ADGRG7: variants seen among roughly 807,000 people sequenced by gnomAD.
The protein encoded by ADGRG7 is G-protein coupled receptor 128.
Under a neutral mutation model 88.6 loss-of-function variants are expected in ADGRG7, and 82 were observed. The observed-to-expected ratio is 0.93, with a 90% confidence interval of 0.77 to 1.11. The LOEUF (loss-of-function observed/expected upper bound fraction) is 1.11. Ranked by LOEUF, ADGRG7 falls within the 50% of genes most tolerant of loss-of-function variation. The probability of loss-of-function intolerance (pLI) is 0.00; values close to 1 mark genes in which losing one functional copy is unlikely to be tolerated. For synonymous variants in ADGRG7, 381 were observed against 345.2 expected (o/e 1.10, Z -1.15); for missense variants, 945 against 953.4 (o/e 0.99, Z 0.12).
intron 4 of ADGRG7, among the ~76,000 whole-genome samples, chr3:100,634,910 T>C (rs952464286): frequency 1.3e-5 from 2 of 152,180 alleles, no homozygotes; most frequent in Admixed American, 6.5e-5. Context: ...GTCTACTGAT[T>C]GGGTATTGTT....
At position 100,662,359 on chromosome 3, in the gene ADGRG7, G is replaced by A. The variant is rs369789511; in HGVS notation, c.1979+2516G>A. ...TGACAGTAAAAAAATTTAGCAACAC[G>A]CTCTTAACAGTATGTTTAACTGCAT... On this transcript the variant is annotated intron_variant, in intron 14 of 15. Transcript: ENST00000273352. Among the ~76,000 whole-genome samples, 12 of 152,224 alleles carry A rather than the reference G, an allele frequency of 7.9e-5. No individual in the cohort carries two copies. In the East Asian group the frequency reaches 1.5e-3, roughly 20 times the overall value.
intron 1 of ADGRG7, among the ~76,000 whole-genome samples, chr3:100,611,900 C>T (rs1247391842): frequency 6.6e-6 from 1 of 152,202 alleles, no homozygotes; most frequent in Admixed American, 6.5e-5. Flanking sequence ...CCTATCCCAT[C>T]CCATCCTATG....
intron 15 of ADGRG7, among the ~76,000 whole-genome samples, chr3:100,680,405 A>T (rs1319483727): frequency 2.0e-5 from 3 of 152,164 alleles, no homozygotes; most frequent in Non-Finnish European, 4.4e-5. Context: ...GTTTTTATCC[A>T]TTCTGGCAAT....
chr3:100,640,495 C>T (rs550137114), intron 6 of ADGRG7, among the ~76,000 whole-genome samples: 3 of 152,198 alleles, frequency 2.0e-5, no homozygotes, highest in East Asian at 3.9e-4. Flanking sequence ...ATAGTACAAT[C>T]AATGAGTTTA....
chr3:100,651,812 A>G (rs2094929645), intron 11 of ADGRG7, among the ~76,000 whole-genome samples: 2 of 152,206 alleles, frequency 1.3e-5, no homozygotes, highest in African/African-American at 4.8e-5. Flanking sequence ...TGCACAGAAT[A>G]CAAACAGTCC....
intron 3 of ADGRG7, among the ~76,000 whole-genome samples, chr3:100,631,738 CTAAA>C (rs1376124101): frequency 6.6e-6 from 1 of 152,120 alleles, no homozygotes; most frequent in Non-Finnish European, 1.5e-5. Flanking sequence ...CTCTGAAGCA[CTAAA>C]TAAATTAAAT....
intron 14 of ADGRG7, chr3:100,665,320 GT>G (rs2094950390): frequency 1.8e-6 from 1 of 540,650 alleles, no homozygotes; most frequent in African/African-American, 1.9e-5. Flanking sequence ...AGTTCATCTG[GT>G]GAAATACCCT....
At position 100,646,112 on chromosome 3, in the gene ADGRG7, A is replaced by G; in HGVS notation, c.1110+4A>G. On this transcript the variant is annotated splice_donor_region_variant and intron_variant, in intron 9 of 15. Coordinates refer to ENST00000273352, the MANE Select transcript of ADGRG7 (RefSeq NM_032787.3). ...TGACATGGTCTTTAGTCCAAAGGTG[A>G]GTTTTTCATTGCAGATGCAAGAAAA... 1 of 1,553,680 alleles carries G rather than the reference A, an allele frequency of 6.4e-7. No homozygotes were observed. Among genetic ancestry groups the G allele is most frequent in the Non-Finnish European group, 8.7e-7 (1 of 1,145,466 alleles).
chr3:100,684,373 C>T (rs946195438), intron 15 of ADGRG7, among the ~76,000 whole-genome samples: 1 of 151,858 alleles, frequency 6.6e-6, no homozygotes, highest in African/African-American at 2.4e-5. Flanking sequence ...AATTGATCCC[C>T]CCACCTCAAC....
At chr3:100,629,787 T>C in intron 2 of ADGRG7, 76 bp downstream of exon 2, 2 of 947,802 alleles carry the variant, frequency 2.1e-6, no homozygotes, top group Non-Finnish European at 3.4e-6. Flanking sequence ...ATAAAGCTTC[T>C]AGAAGCTTCA....
chr3:100,658,168 T>A (rs895563588), intron 13 of ADGRG7, among the ~76,000 whole-genome samples: 2 of 152,170 alleles, frequency 1.3e-5, no homozygotes, highest in Admixed American at 6.5e-5. Context: ...TTTGGAGTCA[T>A]TCTTAATCCC....
At chr3:100,661,019 C>T (rs541514570) in intron 14 of ADGRG7, among the ~76,000 whole-genome samples, 2 of 151,950 alleles carry the variant, frequency 1.3e-5, no homozygotes, top group African/African-American at 4.8e-5. Flanking sequence ...TCTAAGCTGA[C>T]ATTCCCTGCG....
intron 15 of ADGRG7, among the ~76,000 whole-genome samples, chr3:100,677,108 C>T (rs891970636): frequency 7.2e-5 from 11 of 151,920 alleles, no homozygotes; most frequent in East Asian, 1.9e-4. Flanking sequence ...ATTATTGATA[C>T]GTAATGACTT....
chr3:100,658,026 GTAATA>G (rs1184122521), intron 13 of ADGRG7, among the ~76,000 whole-genome samples: 4 of 152,116 alleles, frequency 2.6e-5, no homozygotes, highest in African/African-American at 9.7e-5. Context: ...TCACATCATT[GTAATA>G]CCTAATGGCC....
intron 1 of ADGRG7, among the ~76,000 whole-genome samples, chr3:100,620,031 A>G (rs1338796121): frequency 2.6e-5 from 4 of 152,204 alleles, no homozygotes; most frequent in Non-Finnish European, 5.9e-5. Flanking sequence ...CAATAGAAAA[A>G]GAGGGAATCC....
intron 14 of ADGRG7, chr3:100,665,558 A>G (rs2094950707): frequency 1.0e-5 from 4 of 385,866 alleles, no homozygotes; most frequent in South Asian, 8.1e-5. Context: ...TGTACTTTAC[A>G]GATCAAGGTT....
At chr3:100,686,227 T>G (rs1215657904) in intron 15 of ADGRG7, among the ~76,000 whole-genome samples, 1 of 152,060 alleles carries the variant, frequency 6.6e-6, no homozygotes, top group African/African-American at 2.4e-5. Context: ...GGGTTGTTTG[T>G]TTTTTTCTTG....
chr3:100,609,916 G>T lies in ADGRG7; in HGVS notation c.60G>T (p.Leu20=). The T allele has an allele frequency of 6.2e-7, 1 of 1,613,954 alleles. No homozygotes were observed. Among genetic ancestry groups the T allele is most frequent in the South Asian group, 1.1e-5 (1 of 91,032 alleles). Residue 20 remains leucine, a synonymous_variant, in exon 1 of 16, where the codon CTG becomes CTT. Coordinates refer to ENST00000273352, the MANE Select transcript of ADGRG7 (RefSeq NM_032787.3). The part of the protein sequence containing the change: ...RVLVAVVCGL[L]TGIILGLGIW... ...TGGTGGCTGTCGTGTGTGGACTACT[G>T]ACTGGCATCATTTTGGGACTGGGCA...
chr3:100,658,902 G>C (rs1277368772), intron 13 of ADGRG7, among the ~76,000 whole-genome samples: 1 of 152,096 alleles, frequency 6.6e-6, no homozygotes, highest in Non-Finnish European at 1.5e-5. Flanking sequence ...GTCTAAAACA[G>C]TGTCTAGCAC....
Sources: gnomAD v4.1 joint callset for allele counts (sites outside exome capture counted in the v4.1 genomes callset) on GRCh38, gnomAD v4.1.1 for gene constraint, MANE v1.5 for transcripts, NCBI Gene and HGNC (gene_info 2026-07-23, HGNC 2026-07-21) for gene names.